The following KDM2A variants were observed in gnomAD, a reference collection of about 807,000 sequenced individuals.
The protein encoded by KDM2A is lysine-specific demethylase 2A.
A neutral mutation model predicts 137.3 loss-of-function variants in KDM2A; 3 were observed. The observed-to-expected ratio is 0.02, with a 90% confidence interval of 0.01 to 0.06. KDM2A has a LOEUF of 0.06. Among genes scored for constraint, KDM2A ranks in the 10% least tolerant of loss-of-function variants. The pLI is 1.00. For missense variants in KDM2A, 738 were observed against 1,510.6 expected, an observed-to-expected ratio of 0.49 and a Z score of 8.48; for synonymous variants, 512 against 541.5, an observed-to-expected ratio of 0.95 and a Z score of 0.76.
At chr11:67,172,777 C>T (rs1410946030) in intron 2 of KDM2A, among the ~76,000 whole-genome samples, 1 of 151,916 alleles carries the variant, frequency 6.6e-6, no homozygotes, top group African/African-American at 2.4e-5. Flanking sequence ...GCCTAACTGC[C>T]CTAGCTAGAA....
rs983715617 is a variant in KDM2A, at chr11:67,232,092, G to A, written c.1479+132G>A. ...CAGAGAGAAGTTAATATGCATGTGT[G>A]TTTGTTATTGCTGCTCAGTGTTTTC... On this transcript the variant is annotated intron_variant, in intron 12 of 20. Transcript: ENST00000529006. 6.2e-6 allele frequency: 5 copies of A among 810,540 alleles called. No homozygotes were observed. The African/African-American group carries it at 8.6e-5, about 14-fold the overall frequency. 50.2% of individuals were successfully genotyped at this position (810,540 alleles called of 1,614,324 possible).
intron 6 of KDM2A, among the ~76,000 whole-genome samples, 158 bp from the exon 7 acceptor site, chr11:67,215,182 A>G (rs1858124325): frequency 6.6e-6 from 1 of 152,228 alleles, no homozygotes; most frequent in Non-Finnish European, 1.5e-5. Flanking sequence ...GTTGCCTAGT[A>G]ATCCTAAGAT....
In KDM2A at chr11:67,254,773, C is replaced by A; in HGVS notation, c.3308-101C>A. 1 of 1,134,434 alleles carries A rather than the reference C, an allele frequency of 8.8e-7. No individual in the cohort carries two copies. The allele number at this position is 1,134,434 out of a possible 1,614,324, so 70.3% of individuals were successfully genotyped here. A position where few individuals can be genotyped will look rare whatever the true frequency, so the allele number is the denominator to read the frequency against. Reference sequence around the variant, plus strand: ...CCAGGTAGTTGTGGGACAAAGAGGGCTTTTGTTTAGCATTTTGAAGGAAAG... The same window carrying A: ...CCAGGTAGTTGTGGGACAAAGAGGGATTTTGTTTAGCATTTTGAAGGAAAG... On this transcript the variant is annotated intron_variant, in intron 20 of 20. Transcript: ENST00000529006. This position sits in a 1 kb window ranked among gnomAD's most constrained non-coding sequence, Gnocchi z 4.7.
chr11:67,167,530 G>A (rs914377490), intron 2 of KDM2A, among the ~76,000 whole-genome samples: 1 of 151,786 alleles, frequency 6.6e-6, no homozygotes, highest in Non-Finnish European at 1.5e-5. Context: ...ACTTTTTAGG[G>A]AATAGTTTAC....
At chr11:67,203,136 C>T (rs1227706422) in intron 5 of KDM2A, among the ~76,000 whole-genome samples, 1 of 152,284 alleles carries the variant, frequency 6.6e-6, no homozygotes, top group South Asian at 2.1e-4. Flanking sequence ...AGTTCCTCCA[C>T]AGGCCAAGAT....
intron 5 of KDM2A, among the ~76,000 whole-genome samples, chr11:67,201,944 G>C (rs12225294): frequency 1.3e-5 from 2 of 151,956 alleles, no homozygotes; most frequent in South Asian, 4.2e-4. Context: ...ATGAGAGTGA[G>C]ACCCTGTCTC....
intron 2 of KDM2A, among the ~76,000 whole-genome samples, chr11:67,136,802 G>A (rs899086704): frequency 3.9e-5 from 6 of 152,148 alleles, no homozygotes; most frequent in Admixed American, 2.6e-4. Context: ...CATGTAGGGC[G>A]CTCTGGCTTA....
chr11:67,242,269 GGTGT>G (rs147046284), intron 12 of KDM2A, among the ~76,000 whole-genome samples: 1 of 126,580 alleles, frequency 7.9e-6, no homozygotes, highest in Non-Finnish European at 1.7e-5. Flanking sequence ...AGACTCTGTG[GGTGT>G]GTGTATGTGT....
chr11:67,164,597 A>G lies in KDM2A; in HGVS notation c.43-15482A>G, dbSNP rs1425510110. On this transcript the variant is annotated intron_variant, in intron 2 of 20. Transcript: ENST00000529006. ...CTCCTAAAGCACTAGGATTACAGGC[A>G]TGAGCCATCACACTTGACTGCTGTT... Among the ~76,000 whole-genome samples the G allele has an allele frequency of 4.0e-5, 6 of 150,982 alleles. No homozygotes were observed. In the South Asian group the frequency reaches 6.2e-4, roughly 16 times the overall value.
chr11:67,243,101 C>CT lies in KDM2A; in HGVS notation c.1563+10dup. 3 of 1,596,630 alleles carry CT rather than the reference C, an allele frequency of 1.9e-6. No individual in the cohort carries two copies. Among genetic ancestry groups the CT allele is most frequent in the Non-Finnish European group, 2.6e-6 (3 of 1,164,262 alleles). ...GGCCAAAAAGGGATAAGGTAAGAAA[C>CT]TATTTTCCTTGATCTTTAGGCTGCT... On this transcript the variant is annotated intron_variant, in intron 13 of 20. Coordinates refer to ENST00000529006, the MANE Select transcript of KDM2A (RefSeq NM_012308.3).
At chr11:67,198,598 T>C (rs1857541068) in intron 5 of KDM2A, among the ~76,000 whole-genome samples, 1 of 151,106 alleles carries the variant, frequency 6.6e-6, no homozygotes, top group Admixed American at 6.6e-5. Flanking sequence ...TAGTCCCAGC[T>C]ATTTGGGAGG....
intron 2 of KDM2A, among the ~76,000 whole-genome samples, chr11:67,130,925 A>G (rs797013121): frequency 5.9e-5 from 9 of 151,590 alleles, no homozygotes; most frequent in African/African-American, 2.2e-4. Context: ...CTTGCCCAAG[A>G]TCACAGAGTC....
At chr11:67,183,695 C>G (rs1857139988) in intron 5 of KDM2A, among the ~76,000 whole-genome samples, 1 of 152,158 alleles carries the variant, frequency 6.6e-6, no homozygotes, top group Non-Finnish European at 1.5e-5. Context: ...ATATGTTTCC[C>G]CGAAAAACTT....
chr11:67,255,248 C>T lies in KDM2A; in HGVS notation c.*193C>T. Reference sequence around the variant, plus strand: ...ACCAGGCTTATCTGCCTGCTCCTCTCCCTCCTAAGGAAAAGGGAGTAGCAG... The same window carrying T: ...ACCAGGCTTATCTGCCTGCTCCTCTTCCTCCTAAGGAAAAGGGAGTAGCAG... On this transcript the variant is annotated 3_prime_UTR_variant, in exon 21 of 21. Transcript: ENST00000529006. The T allele has an allele frequency of 1.7e-6, 1 of 599,412 alleles. No individual in the cohort carries two copies. The highest frequency in any genetic ancestry group is 3.0e-6 in the Non-Finnish European group (1 of 336,968). 37.1% of individuals were successfully genotyped at this position (599,412 alleles called of 1,614,324 possible). A position where few individuals can be genotyped will look rare whatever the true frequency, so the allele number is the denominator to read the frequency against.
intron 10 of KDM2A, among the ~76,000 whole-genome samples, chr11:67,222,007 G>GA (rs911647820): frequency 1.5e-5 from 2 of 131,516 alleles, no homozygotes; most frequent in Non-Finnish European, 3.3e-5. Flanking sequence ...TGTTTCAAAA[G>GA]AAAAAAAATG....
intron 3 of KDM2A, among the ~76,000 whole-genome samples, chr11:67,180,689 G>T (rs1435218149): frequency 6.6e-6 from 1 of 151,820 alleles, no homozygotes; most frequent in African/African-American, 2.4e-5. Context: ...GTCTTGCTGT[G>T]TCACCCAGGG....
intron 12 of KDM2A, among the ~76,000 whole-genome samples, chr11:67,234,510 G>A (rs1023143027): frequency 5.3e-5 from 8 of 152,166 alleles, no homozygotes; most frequent in Admixed American, 2.0e-4. Flanking sequence ...GTTCTAAGGC[G>A]TTGAAGAACA....
At chr11:67,169,507 G>A (rs182322853) in intron 2 of KDM2A, among the ~76,000 whole-genome samples, 16 of 150,532 alleles carry the variant, frequency 1.1e-4, no homozygotes, top group African/African-American at 3.9e-4. Context: ...AGCCTCCTGA[G>A]TAGCTGGGAT....
chr11:67,184,084 T>TGA (rs1228957390), intron 5 of KDM2A, among the ~76,000 whole-genome samples: 2 of 123,620 alleles, frequency 1.6e-5, no homozygotes, highest in Middle Eastern at 5.6e-3. Flanking sequence ...GGCAACAGAG[T>TGA]GAGACCCTGT....
Sources: gnomAD v4.1 joint callset for allele counts (sites outside exome capture counted in the v4.1 genomes callset) on GRCh38, gnomAD v4.1.1 for gene constraint, Gnocchi (gnomAD v3.1) non-coding constraint, MANE v1.5 for transcripts, NCBI Gene and HGNC (gene_info 2026-07-23, HGNC 2026-07-21) for gene names.